The following CAMSAP2 variants were observed in gnomAD, a reference collection of about 807,000 sequenced individuals.
The protein encoded by CAMSAP2 is calmodulin regulated spectrin associated protein family member 2, also known as calmodulin-regulated spectrin-associated protein 2.
A neutral mutation model predicts 146.1 loss-of-function variants in CAMSAP2; 26 were observed. The ratio of observed to expected loss-of-function variants is 0.18; its 90% CI spans 0.13 to 0.25. The LOEUF (loss-of-function observed/expected upper bound fraction) is 0.25. CAMSAP2 is among the 10% of genes least tolerant of loss of function. The pLI is 1.00. For missense variants in CAMSAP2, 1,381 were observed against 1,759.3 expected, an observed-to-expected ratio of 0.78 and a Z score of 3.85; for synonymous variants, 499 against 596.6, an observed-to-expected ratio of 0.84 and a Z score of 2.38.
intron 2 of CAMSAP2, among the ~76,000 whole-genome samples, chr1:200,785,373 GTTTTCTTTTT>G (rs978257568): frequency 1.4e-4 from 21 of 148,414 alleles, no homozygotes; most frequent in East Asian, 5.9e-4. Flanking sequence ...GGGGCTTGAT[GTTTTCTTTTT>G]TTTTCTTTTG....
At chr1:200,761,565 G>A (rs1664802468) in intron 2 of CAMSAP2, among the ~76,000 whole-genome samples, 1 of 152,022 alleles carries the variant, frequency 6.6e-6, no homozygotes, top group African/African-American at 2.4e-5. Flanking sequence ...GAGAAACCCT[G>A]TCTCTACTAA....
chr1:200,739,750 C>T lies in CAMSAP2; in HGVS notation c.-78C>T. ...CGATGGTTTGAGCTTGCTTCTCCCT[C>T]CCTCCCGACCCCCGTGGTGGCGAGG... On this transcript the variant is annotated 5_prime_UTR_variant, in exon 1 of 17. Coordinates refer to ENST00000358823, the MANE Select transcript of CAMSAP2 (RefSeq NM_203459.4). This position sits in a 1 kb window ranked among gnomAD's most constrained non-coding sequence, Gnocchi z 4.8. 2.2e-6 allele frequency: 3 copies of T among 1,363,176 alleles called. No homozygotes were observed. The highest frequency in any genetic ancestry group is 1.3e-5 in the South Asian group (1 of 75,088). The allele number at this position is 1,363,176 out of a possible 1,614,324, so 84.4% of individuals were successfully genotyped here. A position where few individuals can be genotyped will look rare whatever the true frequency, so the allele number is the denominator to read the frequency against.
At chr1:200,781,781 C>T (rs1014608676) in intron 2 of CAMSAP2, among the ~76,000 whole-genome samples, 18 of 152,076 alleles carry the variant, frequency 1.2e-4, no homozygotes, top group East Asian at 1.2e-3. Context: ...TGGGCTCAAG[C>T]GATCCTCCTG....
chr1:200,822,481 A>G (rs1666800416), intron 4 of CAMSAP2, among the ~76,000 whole-genome samples: 1 of 152,060 alleles, frequency 6.6e-6, no homozygotes, highest in Non-Finnish European at 1.5e-5. Flanking sequence ...TTTTTCTAAT[A>G]TTTCCTCATT....
In CAMSAP2 at chr1:200,761,165, C is replaced by T. The variant is rs1664790533; in HGVS notation, c.399+67C>T. 3.6e-6 allele frequency: 5 copies of T among 1,390,338 alleles called. No individual in the cohort carries two copies. In the South Asian group the frequency reaches 3.8e-5, roughly 10 times the overall value. 86.1% of individuals were successfully genotyped at this position (1,390,338 alleles called of 1,614,324 possible). ...TGTACTTTTGAGTGTGAATGATATA[C>T]TGTAAAACAGAGGGAAATGTTTTGA... On this transcript the variant is annotated intron_variant, in intron 2 of 16. Coordinates refer to ENST00000358823, the MANE Select transcript of CAMSAP2 (RefSeq NM_203459.4).
intron 4 of CAMSAP2, among the ~76,000 whole-genome samples, chr1:200,816,847 C>CACACACGCGCGTGTGTATGTGTGT (rs1666539461): frequency 2.0e-5 from 1 of 50,978 alleles, no homozygotes. Context: ...TATGTGTGTA[C>CACACACGCGCGTGTGTATGTGTGT]ACACACACGC....
At position 200,740,946 on chromosome 1, in the gene CAMSAP2, T is replaced by C. The variant is rs147241783; in HGVS notation, c.139+980T>C. ...CCCTAGTTAATGAAGTTTAGATATA[T>C]GAAATATTTGTTGAAAAGTTCCCTA... On this transcript the variant is annotated intron_variant, in intron 1 of 16. Coordinates refer to ENST00000358823, the MANE Select transcript of CAMSAP2 (RefSeq NM_203459.4). 3.0e-3 allele frequency among the ~76,000 whole-genome samples: 457 copies of C among 152,350 alleles called. 2 individuals are homozygous for C. The highest frequency in any genetic ancestry group is 0.01 in the African/African-American group (430 of 41,580).
intron 14 of CAMSAP2, among the ~76,000 whole-genome samples, 194 bp from the exon 15 acceptor site, chr1:200,855,816 C>G (rs1057262821): frequency 1.6e-4 from 24 of 151,962 alleles, no homozygotes; most frequent in Admixed American, 6.6e-5. Flanking sequence ...AGGCTGATCT[C>G]GAACTTCTGA....
At chr1:200,778,778 T>C (rs1218127693) in intron 2 of CAMSAP2, among the ~76,000 whole-genome samples, 3 of 151,746 alleles carry the variant, frequency 2.0e-5, no homozygotes, top group Non-Finnish European at 4.4e-5. Flanking sequence ...TCATTTTTTT[T>C]CATTATATAT....
At chr1:200,743,541 G>A (rs1248567570) in intron 1 of CAMSAP2, among the ~76,000 whole-genome samples, 1 of 151,824 alleles carries the variant, frequency 6.6e-6, no homozygotes. Flanking sequence ...CAAAAGATAA[G>A]GTCCTGTGTC....
At chr1:200,789,207 A>AT (rs1235819474) in intron 2 of CAMSAP2, among the ~76,000 whole-genome samples, 13 of 152,012 alleles carry the variant, frequency 8.6e-5, no homozygotes, top group Non-Finnish European at 1.6e-4. Flanking sequence ...CTTATCAATT[A>AT]TTTTTTCATG....
chr1:200,743,624 T>C (rs942337947), intron 1 of CAMSAP2, among the ~76,000 whole-genome samples: 5 of 149,338 alleles, frequency 3.3e-5, no homozygotes, highest in Non-Finnish European at 5.9e-5. Context: ...CTTGAAGTGG[T>C]AGGGGGCGGG....
At chr1:200,837,888 G>A (rs1025677161) in intron 6 of CAMSAP2, among the ~76,000 whole-genome samples, 1 of 152,148 alleles carries the variant, frequency 6.6e-6, no homozygotes, top group African/African-American at 2.4e-5. Context: ...TGTTGTTGGT[G>A]TATAGGAATG....
chr1:200,821,084 G>A (rs1307944935), intron 4 of CAMSAP2, among the ~76,000 whole-genome samples: 1 of 151,770 alleles, frequency 6.6e-6, no homozygotes, highest in East Asian at 1.9e-4. Context: ...TGAAGACATA[G>A]CCTGTCTAAA....
At position 200,854,850 on chromosome 1, in the gene CAMSAP2, G is replaced by C; in HGVS notation, c.3857G>C (p.Gly1286Ala). ...CTTTCTTTGGCATCGCTGAACACGG[G>C]TGATAACGAGAGTGTACATTCAGGC... Reference protein sequence around the residue: ...SSLSLASLNTGDNESVHSGKR... With the variant: ...SSLSLASLNTADNESVHSGKR... Residue 1286 changes from glycine to alanine, a missense_variant, in exon 14 of 17, where the codon GGT becomes GCT. Around this residue, in one of 4 missense-constraint regions of CAMSAP2, gnomAD observed 560 missense variants for 715.9 expected, o/e 0.78. Coordinates refer to ENST00000358823, the MANE Select transcript of CAMSAP2 (RefSeq NM_203459.4). 2 of 1,612,388 alleles carry C rather than the reference G, an allele frequency of 1.2e-6. No homozygotes were observed. Among genetic ancestry groups the C allele is most frequent in the Non-Finnish European group, 1.7e-6 (2 of 1,179,182 alleles).
At chr1:200,791,138 T>C (rs183663877) in intron 2 of CAMSAP2, among the ~76,000 whole-genome samples, 426 of 152,306 alleles carry the variant, frequency 2.8e-3, no homozygotes, top group African/African-American at 9.4e-3. Flanking sequence ...AGCCACTGCA[T>C]CCGGCCTTTA....
intron 4 of CAMSAP2, among the ~76,000 whole-genome samples, chr1:200,822,131 T>C (rs1367080152): frequency 7.7e-6 from 1 of 130,402 alleles, no homozygotes; most frequent in Non-Finnish European, 1.6e-5. Flanking sequence ...TCTCTCTCTC[T>C]CTCGCTCTAC....
rs374417207 is a variant in CAMSAP2, at chr1:200,745,401, T to G, written c.139+5435T>G. Among the ~76,000 whole-genome samples, 56 of 152,332 alleles carry G rather than the reference T, an allele frequency of 3.7e-4. No homozygotes were observed. The East Asian group carries it at 7.9e-3, about 21-fold the overall frequency. Reference sequence around the variant, plus strand: ...TGTGATCTAAAAAGGTTTTTTTTTTTGTATGTTGAAGTACAAATTAATTAT... The same window carrying G: ...TGTGATCTAAAAAGGTTTTTTTTTTGGTATGTTGAAGTACAAATTAATTAT... On this transcript the variant is annotated intron_variant, in intron 1 of 16. Transcript: ENST00000358823.
chr1:200,772,920 T>TTTAA (rs1416255377), intron 2 of CAMSAP2, among the ~76,000 whole-genome samples: 1 of 152,220 alleles, frequency 6.6e-6, no homozygotes, highest in African/African-American at 2.4e-5. Context: ...ATTCAAAACT[T>TTTAA]TTAATTATTT....
Sources: allele counts gnomAD v4.1 joint callset (sites outside exome capture counted in the v4.1 genomes callset), GRCh38; gene constraint gnomAD v4.1.1; regional missense constraint gnomAD v4.1.1; non-coding constraint Gnocchi (gnomAD v3.1); transcripts MANE v1.5; gene names NCBI Gene and HGNC (gene_info 2026-07-23, HGNC 2026-07-21).